Variants in MLLT6 observed in about 807,000 individuals in gnomAD.
The protein encoded by MLLT6 is MLLT6, PHD finger containing.
MLLT6 carries 22 observed loss-of-function variants against 103.0 expected under a neutral mutation model. The observed-to-expected ratio is 0.21, with a 90% CI of 0.15 to 0.31. MLLT6 has a LOEUF of 0.31. MLLT6 is among the 10% of genes least tolerant of loss of function. The pLI is 1.00. For synonymous variants in MLLT6, 606 were observed against 623.5 expected, an observed-to-expected ratio of 0.97 and a Z score of 0.42; for missense variants, 1,199 against 1,441.7, an observed-to-expected ratio of 0.83 and a Z score of 2.73.
At chr17:38,717,243 A>C (rs547945905) in intron 10 of MLLT6, among the ~76,000 whole-genome samples, 189 bp from the exon 11 acceptor site, 1 of 152,242 alleles carries the variant, frequency 6.6e-6, no homozygotes, top group African/African-American at 2.4e-5. Context: ...GGGCAGTTTA[A>C]CAAGCAGGCG....
intron 12 of MLLT6, chr17:38,718,384 C>G (rs1473836165): frequency 6.3e-6 from 1 of 159,136 alleles, no homozygotes; most frequent in Non-Finnish European, 1.4e-5. Flanking sequence ...TCAAAACAAA[C>G]AAAATCCCAG....
chr17:38,727,312 G>C lies in MLLT6; in HGVS notation c.*1714G>C, dbSNP rs575677941. ...AGATGTTAGGGAGCTGATAATGGAG[G>C]GGGGTGGGAATCCTTCAAAGGCAAT... On this transcript the variant is annotated 3_prime_UTR_variant, in exon 20 of 20. Transcript: ENST00000621332. The C allele has an allele frequency of 1.7e-5, 4 of 231,602 alleles. No individual in the cohort carries two copies. The highest frequency in any genetic ancestry group is 2.6e-5 in the Non-Finnish European group (3 of 117,072). 14.3% of individuals were successfully genotyped at this position (231,602 alleles called of 1,614,324 possible). A position where few individuals can be genotyped will look rare whatever the true frequency, so the allele number is the denominator to read the frequency against.
chr17:38,725,528 A>G, intron 19 of MLLT6, 29 bp from the exon 20 acceptor site: 1 of 1,603,088 alleles, frequency 6.2e-7, no homozygotes, highest in South Asian at 1.1e-5. Flanking sequence ...CACTTTCCAC[A>G]CCCCCGGCCT....
chr17:38,706,050 T>G, intron 1 of MLLT6: 1 of 163,920 alleles, frequency 6.1e-6, no homozygotes, highest in Non-Finnish European at 1.3e-5. Context: ...TGGGGAATGT[T>G]TACCTGCGAG....
In MLLT6 at chr17:38,716,469, C is replaced by T; in HGVS notation, c.1139C>T (p.Pro380Leu). ...SKPTAPAPSA[P>L]PSPSAPEPPK... ...CCCACAGCCCCCGCCCCTTCAGCCCCTCCTTCTCCCTCAGCTCCCGAGCCC... is the reference window on the plus strand; with the variant it reads ...CCCACAGCCCCCGCCCCTTCAGCCCTTCCTTCTCCCTCAGCTCCCGAGCCC... Residue 380 changes from proline to leucine, a missense_variant, in exon 10 of 20, where the codon CCT becomes CTT. By Grantham distance (98) the Pro-to-Leu change is moderately conservative. Transcript: ENST00000621332. The surrounding 1 kb of genome is among the most constrained non-coding windows in gnomAD (Gnocchi z 5.6). 6.2e-7 allele frequency: 1 copy of T among 1,614,152 alleles called. No homozygotes were observed. The highest frequency in any genetic ancestry group is 1.1e-5 in the South Asian group (1 of 91,084).
At chr17:38,712,610 A>C (rs551276850) in intron 7 of MLLT6, 81 bp from the exon 8 acceptor site, 4 of 898,016 alleles carry the variant, frequency 4.5e-6, no homozygotes, top group Middle Eastern at 2.2e-4. Context: ...AGGGGGTGTC[A>C]GCTCCCCATA....
rs1033908130 is a variant in MLLT6 at position 38,728,180 on chromosome 17, T to TC, written c.*2589dup. On this transcript the variant is annotated 3_prime_UTR_variant, in exon 20 of 20. Coordinates refer to ENST00000621332, the MANE Select transcript of MLLT6 (RefSeq NM_005937.4). Reference sequence around the variant, plus strand: ...AACGGGTGCAGCCCTCTTCTCCTCTTCCCCCCCACATCTCTCATGAGAGAG... The same window carrying TC: ...AACGGGTGCAGCCCTCTTCTCCTCTTCCCCCCCCACATCTCTCATGAGAGAG... 12 of 232,788 alleles carry TC rather than the reference T, an allele frequency of 5.2e-5. No individual in the cohort carries two copies. Among genetic ancestry groups the TC allele is most frequent in the African/African-American group, 1.8e-4 (8 of 45,162 alleles). 14.4% of individuals were successfully genotyped at this position (232,788 alleles called of 1,614,324 possible). A position where few individuals can be genotyped will look rare whatever the true frequency, so the allele number is the denominator to read the frequency against.
chr17:38,715,589 C>T (rs765867995), intron 8 of MLLT6, 23 bp from the exon 9 acceptor site: 9 of 1,594,884 alleles, frequency 5.6e-6, no homozygotes, highest in Non-Finnish European at 7.7e-6. Context: ...TGGTGTTGAA[C>T]CTTCCTCTCT....
rs573652090 is a variant in MLLT6 at position 38,724,354 on chromosome 17, G to A, written c.2884-266G>A. ...GTCTTAGGAGCTGAGGGGTGATTCT[G>A]TGGGCAGGGCCAGAGATATTAAATA... On this transcript the variant is annotated intron_variant, in intron 18 of 19. Transcript: ENST00000621332. This position sits in a 1 kb window ranked among gnomAD's most constrained non-coding sequence, Gnocchi z 5.4. 9.4e-6 allele frequency: 4 copies of A among 426,100 alleles called. No individual in the cohort carries two copies. The South Asian group carries it at 2.7e-4, about 29-fold the overall frequency. 26.4% of individuals were successfully genotyped at this position (426,100 alleles called of 1,614,324 possible).
Position 38,719,300 on chromosome 17 carries a change from C to G in MLLT6, c.1943-217C>G, listed in dbSNP as rs1225071445. 4 of 574,842 alleles carry G rather than the reference C, an allele frequency of 7.0e-6. No individual in the cohort carries two copies. The East Asian group carries it at 9.0e-5, about 13-fold the overall frequency. 35.6% of individuals were successfully genotyped at this position (574,842 alleles called of 1,614,324 possible). A position where few individuals can be genotyped will look rare whatever the true frequency, so the allele number is the denominator to read the frequency against. On this transcript the variant is annotated intron_variant, in intron 12 of 19. Coordinates refer to ENST00000621332, the MANE Select transcript of MLLT6 (RefSeq NM_005937.4). ...AAGCCAGACAGTGGAGCCTTCAGCC[C>G]AGAGGAGGAAGAGAGCAGATGCCCG...
In MLLT6 at chr17:38,719,840, G is replaced by A. The variant is rs1329886830; in HGVS notation, c.2100G>A (p.Thr700=). ...GGQLDPAAPG[T]TNMEQLLEKQ... ...AGTTAGACCCGGCGGCCCCAGGGAC[G>A]ACTAACATGGAGCAGCTTCTGGAGA... Residue 700 remains threonine (T), a synonymous_variant, in exon 14 of 20, where the codon ACG becomes ACA. Transcript: ENST00000621332. 1.9e-6 allele frequency: 3 copies of A among 1,611,278 alleles called. No homozygotes were observed. Among genetic ancestry groups the A allele is most frequent in the South Asian group, 1.1e-5 (1 of 90,544 alleles).
At chr17:38,719,339 A>C in intron 12 of MLLT6, 178 bp from the exon 13 acceptor site, 1 of 612,568 alleles carries the variant, frequency 1.6e-6, no homozygotes, top group Non-Finnish European at 2.9e-6. Context: ...TTTGCCTCCC[A>C]GGGGCAGGGT....
intron 14 of MLLT6, 149 bp from the exon 15 acceptor site, chr17:38,720,223 C>G (rs1055819049): frequency 7.3e-6 from 6 of 817,360 alleles, no homozygotes; most frequent in Admixed American, 2.8e-5. Flanking sequence ...AGTCCCGCCT[C>G]TCTTCTCAGA....
intron 2 of MLLT6, among the ~76,000 whole-genome samples, chr17:38,707,282 A>G (rs1452592318): frequency 2.0e-5 from 3 of 152,146 alleles, no homozygotes; most frequent in African/African-American, 4.8e-5. Context: ...TCCTACTCAT[A>G]TGAAAGTAAA....
chr17:38,723,448 C>T (rs1020079566), intron 18 of MLLT6, among the ~76,000 whole-genome samples: 2 of 151,964 alleles, frequency 1.3e-5, no homozygotes, highest in East Asian at 1.9e-4. Flanking sequence ...GCTGAGATGG[C>T]GCCAATACAC....
At chr17:38,720,301 C>T (rs2143701116) in intron 14 of MLLT6, 71 bp from the exon 15 acceptor site, 1 of 677,656 alleles carries the variant, frequency 1.5e-6, no homozygotes, top group Non-Finnish European at 2.5e-6. Context: ...CCCCTCCAGG[C>T]CCCGCCCCCG....
intron 17 of MLLT6, 45 bp from the exon 18 acceptor site, chr17:38,722,633 A>AGGGGGGGGGGGG: frequency 7.7e-5 from 29 of 377,832 alleles, no homozygotes; most frequent in Non-Finnish European, 1.0e-4. Flanking sequence ...GCCCTCCCCC[A>AGGGGGGGGGGGG]TGGTCTGTGT....
chr17:38,718,298 G>C lies in MLLT6; in HGVS notation c.1942+345G>C, dbSNP rs372099685. ...GCTGAGGCAGGAGAATTGCTTGAACGTGGGAGGCGGAGGTTGCAGTGAGCC... is the reference window on the plus strand; with the variant it reads ...GCTGAGGCAGGAGAATTGCTTGAACCTGGGAGGCGGAGGTTGCAGTGAGCC... On this transcript the variant is annotated intron_variant, in intron 12 of 19. Transcript: ENST00000621332. The C allele has an allele frequency of 1.6e-3, 347 of 216,822 alleles. 2 individuals carry two copies. Among genetic ancestry groups the C allele is most frequent in the African/African-American group, 7.6e-3 (325 of 42,800 alleles). The allele number at this position is 216,822 out of a possible 1,614,324, so 13.4% of individuals were successfully genotyped here. A position where few individuals can be genotyped will look rare whatever the true frequency, so the allele number is the denominator to read the frequency against.
chr17:38,719,389 G>C (rs1336237052), intron 12 of MLLT6, 128 bp from the exon 13 acceptor site: 3 of 872,560 alleles, frequency 3.4e-6, no homozygotes, highest in South Asian at 3.1e-5. Flanking sequence ...TGAACTGCCA[G>C]TGTGGGGTTG....
Sources: allele counts gnomAD v4.1 joint callset (sites outside exome capture counted in the v4.1 genomes callset), GRCh38; gene constraint gnomAD v4.1.1; non-coding constraint Gnocchi (gnomAD v3.1); transcripts MANE v1.5; gene names NCBI Gene and HGNC (gene_info 2026-07-23, HGNC 2026-07-21).